Variants in DIRAS3 observed in about 807,000 individuals in gnomAD.
DIRAS3 encodes GTP-binding protein Di-Ras3.
For synonymous variants in DIRAS3, 133 were observed against 131.4 expected, an observed-to-expected ratio of 1.01 and a Z score of -0.08; for missense variants, 248 against 300.6, an observed-to-expected ratio of 0.83 and a Z score of 1.29.
chr1:68,049,898 A>G (rs1645715277), intron 1 of DIRAS3, among the ~76,000 whole-genome samples: 1 of 151,914 alleles, frequency 6.6e-6, no homozygotes, highest in Non-Finnish European at 1.5e-5. Context: ...AAAATTGGTA[A>G]AGGACACACG....
chr1:68,048,052 ATATATATATATATAT>A (rs1462179796), intron 1 of DIRAS3, among the ~76,000 whole-genome samples: 1 of 74,858 alleles, frequency 1.3e-5, no homozygotes, highest in Non-Finnish European at 2.6e-5. Flanking sequence ...AAAAAAAAAT[ATATATATATATATAT>A]ATATATATAT....
At chr1:68,049,928 A>T (rs541175430) in intron 1 of DIRAS3, among the ~76,000 whole-genome samples, 11 of 150,988 alleles carry the variant, frequency 7.3e-5, no homozygotes, top group Middle Eastern at 3.4e-3. Flanking sequence ...AAGTTTCCAG[A>T]TGTGAAGAGA....
chr1:68,048,049 A>AAAAT (rs1553173941), intron 1 of DIRAS3, among the ~76,000 whole-genome samples: 1 of 7,262 alleles, frequency 1.4e-4, no homozygotes, highest in South Asian at 8.2e-3. Flanking sequence ...AAAAAAAAAA[A>AAAAT]ATATATATAT....
chr1:68,048,954 GGTCTTGAAC>G (rs928408684), intron 1 of DIRAS3, among the ~76,000 whole-genome samples: 4 of 151,792 alleles, frequency 2.6e-5, no homozygotes, highest in Non-Finnish European at 4.4e-5. Context: ...TGTCCAGGCT[GGTCTTGAAC>G]TCCTGTGTTC....
rs1356787994 is a variant in DIRAS3 at position 68,048,659 on chromosome 1, G to GTT, written c.-65-1298_-65-1297insAA. ...TGAACACATACTCTCCCAGTACTGG[G>GTT]GAAAAGGACCCTTTTTAGAATGTGC... On this transcript the variant is annotated intron_variant, in intron 1 of 1. Transcript: ENST00000646789. Among the ~76,000 whole-genome samples the GTT allele has an allele frequency of 3.3e-5, 5 of 151,980 alleles. No homozygotes were observed. In the East Asian group the frequency reaches 9.6e-4, roughly 29 times the overall value.
chr1:68,047,309 G>A lies in DIRAS3; in HGVS notation c.-12C>T. The stretch of plus-strand genomic sequence containing the variant: ...CTGGCGTTACCCATCGTTGGGATTC[G>A]GAGGGGAGATACGTGCACAAGTTCT... On this transcript the variant is annotated 5_prime_UTR_variant, in exon 2 of 2. Coordinates refer to ENST00000646789, the MANE Select transcript of DIRAS3 (RefSeq NM_004675.5). 2 of 1,609,634 alleles carry A rather than the reference G, an allele frequency of 1.2e-6. No homozygotes were observed. The highest frequency in any genetic ancestry group is 1.7e-6 in the Non-Finnish European group (2 of 1,177,678).
intron 1 of DIRAS3, among the ~76,000 whole-genome samples, chr1:68,047,799 C>T (rs915943935): frequency 6.6e-6 from 1 of 150,430 alleles, no homozygotes; most frequent in Non-Finnish European, 1.5e-5. Context: ...AGAGTGACAC[C>T]GCCGCCCTGG....
In DIRAS3 at chr1:68,050,149, C is replaced by T. The variant is rs1645719370; in HGVS notation, c.-66+399G>A. On this transcript the variant is annotated intron_variant, in intron 1 of 1. Coordinates refer to ENST00000646789, the MANE Select transcript of DIRAS3 (RefSeq NM_004675.5). The surrounding 1 kb of genome is among the most constrained non-coding windows in gnomAD (Gnocchi z 4.5). ...GGACATCACCACGCACCTGCAAGGTCAGGTTTCTCTCTGGTGGCTGTGGCG... is the reference window on the plus strand; with the variant it reads ...GGACATCACCACGCACCTGCAAGGTTAGGTTTCTCTCTGGTGGCTGTGGCG... 6.6e-6 allele frequency among the ~76,000 whole-genome samples: 1 copy of T among 152,228 alleles called. No homozygotes were observed. The highest frequency in any genetic ancestry group is 1.5e-5 in the Non-Finnish European group (1 of 68,042).
intron 1 of DIRAS3, among the ~76,000 whole-genome samples, chr1:68,048,856 C>T (rs1645705722): frequency 1.3e-5 from 2 of 151,498 alleles, no homozygotes; most frequent in African/African-American, 4.9e-5. Flanking sequence ...CCTCTCACCT[C>T]AGCCTCCCGA....
Position 68,046,413 on chromosome 1 carries a change from A to G in DIRAS3, c.*195T>C. ...CATTTTGTTCTCCTCTTCAAATGCCAATGTTTTAACAATTTGAATTCTCTG... is the reference window on the plus strand; with the variant it reads ...CATTTTGTTCTCCTCTTCAAATGCCGATGTTTTAACAATTTGAATTCTCTG... On this transcript the variant is annotated 3_prime_UTR_variant, in exon 2 of 2. Transcript: ENST00000646789. 1.8e-6 allele frequency: 1 copy of G among 545,300 alleles called. No individual in the cohort carries two copies. The highest frequency in any genetic ancestry group is 3.2e-6 in the Non-Finnish European group (1 of 314,410). The allele number at this position is 545,300 out of a possible 1,614,324, so 33.8% of individuals were successfully genotyped here. A position where few individuals can be genotyped will look rare whatever the true frequency, so the allele number is the denominator to read the frequency against.
rs763128620 is a variant in DIRAS3, at chr1:68,046,980, T to A, written c.318A>T (p.Ile106=). 1.9e-6 allele frequency: 3 copies of A among 1,614,192 alleles called. No individual in the cohort carries two copies. Among genetic ancestry groups the A allele is most frequent in the Admixed American group, 1.7e-5 (1 of 60,032 alleles). ...CCAGGACGAAGGCGTGGCCCCGGGC[T>A]ATAACGTGGCGCTGCAGAGCGCGGT... ...DGNRALQRHV[I]ARGHAFVLVY... The change falls in exon 2 of 2, where the codon ATA becomes ATT. Residue 106 remains isoleucine, a synonymous_variant. Coordinates refer to ENST00000646789, the MANE Select transcript of DIRAS3 (RefSeq NM_004675.5).
rs1180713444 is a variant in DIRAS3, at chr1:68,047,225, T to C, written c.73A>G (p.Ile25Val). 1 of 1,613,818 alleles carries C rather than the reference T, an allele frequency of 6.2e-7. No homozygotes were observed. The highest frequency in any genetic ancestry group is 1.1e-5 in the South Asian group (1 of 91,086). ...CTGTGGGGCTTGAAGGCGCGGAGGA[T>C]AAGCAGGGCGGGCAGAAGCCGCAAC... Reference protein sequence around the residue: ...KRLRLLPALLILRAFKPHRKI... With the variant: ...KRLRLLPALLVLRAFKPHRKI... Residue 25 changes from isoleucine (I) to valine (V), a missense_variant, in exon 2 of 2, where the codon ATC becomes GTC. Ile to Val is a conservative substitution (Grantham distance 29). Transcript: ENST00000646789.
chr1:68,047,460 G>T, intron 1 of DIRAS3, 98 bp from the exon 2 acceptor site: 2 of 654,850 alleles, frequency 3.1e-6, no homozygotes, highest in Non-Finnish European at 5.2e-6. Flanking sequence ...ACTCTGAAGA[G>T]AGTCCACCCT....
At chr1:68,048,959 T>C (rs1055583656) in intron 1 of DIRAS3, among the ~76,000 whole-genome samples, 1 of 151,992 alleles carries the variant, frequency 6.6e-6, no homozygotes, top group African/African-American at 2.4e-5. Context: ...AGGCTGGTCT[T>C]GAACTCCTGT....
chr1:68,047,105 C>A lies in DIRAS3; in HGVS notation c.193G>T (p.Glu65Ter), dbSNP rs765251774. The A allele has an allele frequency of 4.3e-6, 7 of 1,614,100 alleles. No individual in the cohort carries two copies. The Admixed American group carries it at 1.2e-4, about 27-fold the overall frequency. The change falls in exon 2 of 2, where the codon GAG (glutamate) becomes TAG (stop). Residue 65 changes from glutamate to a stop codon, truncating the protein, a stop_gained. Coordinates refer to ENST00000646789, the MANE Select transcript of DIRAS3 (RefSeq NM_004675.5). LOFTEE classifies it low-confidence loss of function (END_TRUNC). ...GTATTTTCAATGGTCGGCAGGTACT[C>A]ATGACGGAAGTTGCCGCTCGCCCAC... ...HKWASGNFRH[E>*]YLPTIENTYC...
rs1557688517 is a variant in DIRAS3 at position 68,046,569 on chromosome 1, GC to G, written c.*38del. ...TGAAATGAGTCCACGTTTTCTACAC[GC>G]TACAGGATAGGAAGAGCTGGCTCTT... On this transcript the variant is annotated 3_prime_UTR_variant, in exon 2 of 2. Coordinates refer to ENST00000646789, the MANE Select transcript of DIRAS3 (RefSeq NM_004675.5). The G allele has an allele frequency of 6.4e-7, 1 of 1,571,290 alleles. No individual in the cohort carries two copies.
intron 1 of DIRAS3, among the ~76,000 whole-genome samples, chr1:68,048,058 A>G (rs1329082999): frequency 1.0e-5 from 1 of 99,418 alleles, no homozygotes; most frequent in African/African-American, 4.0e-5. Flanking sequence ...AAATATATAT[A>G]TATATATATA....
chr1:68,047,095 G>A lies in DIRAS3; in HGVS notation c.203C>T (p.Pro68Leu), dbSNP rs1215942052. ...ASGNFRHEYLPTIENTYCQLL... is the reference protein window; with the variant it reads ...ASGNFRHEYLLTIENTYCQLL... Reference sequence around the variant, plus strand: ...CTGGCAGTAGGTATTTTCAATGGTCGGCAGGTACTCATGACGGAAGTTGCC... The same window carrying A: ...CTGGCAGTAGGTATTTTCAATGGTCAGCAGGTACTCATGACGGAAGTTGCC... Residue 68 changes from proline (P) to leucine (L), a missense_variant, in exon 2 of 2, where the codon CCG becomes CTG. Pro to Leu is a moderately conservative substitution (Grantham distance 98, BLOSUM62 -3). Transcript: ENST00000646789. 1 of 1,614,036 alleles carries A rather than the reference G, an allele frequency of 6.2e-7. No individual in the cohort carries two copies. Among genetic ancestry groups the A allele is most frequent in the Non-Finnish European group, 8.5e-7 (1 of 1,180,042 alleles).
chr1:68,046,536 TA>T lies in DIRAS3; in HGVS notation c.*71del, dbSNP rs1255557467. On this transcript the variant is annotated 3_prime_UTR_variant, in exon 2 of 2. Transcript: ENST00000646789. ...CAGCACAAAATCAACCATGTACATGTAACATAGTGAAATGAGTCCACGTTTT... is the reference window on the plus strand; with the variant it reads ...CAGCACAAAATCAACCATGTACATGTACATAGTGAAATGAGTCCACGTTTT... 7.2e-7 allele frequency: 1 copy of T among 1,393,778 alleles called. No homozygotes were observed. The highest frequency in any genetic ancestry group is 1.4e-5 in the African/African-American group (1 of 69,422). 86.3% of individuals were successfully genotyped at this position (1,393,778 alleles called of 1,614,324 possible).
Sources: gnomAD v4.1 joint callset for allele counts (sites outside exome capture counted in the v4.1 genomes callset) on GRCh38, gnomAD v4.1.1 for gene constraint, Gnocchi (gnomAD v3.1) non-coding constraint, MANE v1.5 for transcripts, NCBI Gene and HGNC (gene_info 2026-07-23, HGNC 2026-07-21) for gene names.